Variants in EYS observed in about 807,000 individuals in gnomAD.
EYS encodes the protein protein eyes shut homolog.
EYS carries 250 observed loss-of-function variants against 282.1 expected under a neutral mutation model. The ratio of observed to expected loss-of-function variants is 0.89; its 90% confidence interval spans 0.80 to 0.98. EYS has a LOEUF of 0.98. Ranked by LOEUF, EYS falls within the 50% of genes least tolerant of loss-of-function variation. The pLI is 0.00. For missense variants in EYS, 4,016 were observed against 3,709.0 expected (o/e 1.08, Z -2.15); for synonymous variants, 1,355 against 1,282.9 (o/e 1.06, Z -1.20).
intron 2 of EYS, among the ~76,000 whole-genome samples, chr6:65,501,064 ACACT>A (rs1272469135): frequency 5.3e-5 from 8 of 152,020 alleles, no homozygotes; most frequent in African/African-American, 1.9e-4. Flanking sequence ...TTTAATCCAC[ACACT>A]CTATGAGTAG....
intron 5 of EYS, among the ~76,000 whole-genome samples, chr6:65,462,082 C>A (rs2150410275): frequency 6.6e-6 from 1 of 152,060 alleles, no homozygotes; most frequent in East Asian, 1.9e-4. Flanking sequence ...CTTATACTGG[C>A]CACTGCATAA....
At chr6:64,946,398 AC>A (rs1769290716) in intron 14 of EYS, among the ~76,000 whole-genome samples, 1 of 151,986 alleles carries the variant, frequency 6.6e-6, no homozygotes, top group African/African-American at 2.4e-5. Context: ...AAATCGTAAA[AC>A]TTTTCATGGT....
intron 12 of EYS, among the ~76,000 whole-genome samples, chr6:65,244,851 T>C (rs552438516): frequency 1.3e-5 from 2 of 152,188 alleles, no homozygotes; most frequent in East Asian, 3.9e-4. Context: ...GCATCTATCT[T>C]TCACCAAAGT....
rs559600797 is a variant in EYS at position 64,114,490 on chromosome 6, C to G, written c.6425-32488G>C. On this transcript the variant is annotated intron_variant, in intron 31 of 42. Transcript: ENST00000503581. Reference sequence around the variant, plus strand: ...AGAGCTCAGGAGTCTCATCAAGAACCTATAGCAGCACAATAGGGCAAAAAC... The same window carrying G: ...AGAGCTCAGGAGTCTCATCAAGAACGTATAGCAGCACAATAGGGCAAAAAC... Among the ~76,000 whole-genome samples, 109 of 152,202 alleles carry G rather than the reference C, an allele frequency of 7.2e-4. 1 individual carries two copies. Among genetic ancestry groups the G allele is most frequent in the African/African-American group, 2.6e-3 (108 of 41,532 alleles).
chr6:64,339,682 G>C (rs115006446), intron 29 of EYS, among the ~76,000 whole-genome samples: 1 of 151,658 alleles, frequency 6.6e-6, no homozygotes, highest in African/African-American at 2.4e-5. Flanking sequence ...TTGCACACGC[G>C]TGTTTACTGC....
intron 33 of EYS, among the ~76,000 whole-genome samples, chr6:64,024,422 C>G (rs571040645): frequency 1.3e-5 from 2 of 151,936 alleles, no homozygotes; most frequent in African/African-American, 4.8e-5. Context: ...GGATTGTAAA[C>G]GCACCAATCA....
chr6:63,733,865 A>G (rs1037121264), intron 41 of EYS, among the ~76,000 whole-genome samples: 2 of 152,152 alleles, frequency 1.3e-5, no homozygotes, highest in Admixed American at 6.6e-5. Flanking sequence ...CTTATAAGGC[A>G]GTAAGCAAAC....
chr6:64,075,589 A>T (rs1469186652), intron 32 of EYS, among the ~76,000 whole-genome samples: 1 of 151,908 alleles, frequency 6.6e-6, no homozygotes, highest in African/African-American at 2.4e-5. Context: ...CCCATTTTTG[A>T]TGCCACGATT....
intron 35 of EYS, among the ~76,000 whole-genome samples, chr6:63,967,069 G>A (rs1409232191): frequency 2.0e-5 from 3 of 152,156 alleles, no homozygotes; most frequent in African/African-American, 7.2e-5. Flanking sequence ...GCAACAATAT[G>A]CCAGCATCAC....
At chr6:64,311,762 C>A (rs965523849) in intron 29 of EYS, among the ~76,000 whole-genome samples, 1 of 152,106 alleles carries the variant, frequency 6.6e-6, no homozygotes, top group African/African-American at 2.4e-5. Flanking sequence ...CCGGGAAGCA[C>A]AAGTGGTCAG....
chr6:64,628,133 G>T (rs1015670284), intron 22 of EYS, among the ~76,000 whole-genome samples: 2 of 152,002 alleles, frequency 1.3e-5, no homozygotes, highest in Non-Finnish European at 2.9e-5. Flanking sequence ...TTAACTGTGT[G>T]TGGATTTATG....
chr6:64,327,009 T>A (rs1008961311), intron 29 of EYS, among the ~76,000 whole-genome samples: 4 of 152,024 alleles, frequency 2.6e-5, no homozygotes, highest in Admixed American at 2.6e-4. Flanking sequence ...CAGATGTGGA[T>A]GGGGCCCACG....
intron 22 of EYS, among the ~76,000 whole-genome samples, chr6:64,807,584 AC>A (rs1172471723): frequency 6.6e-6 from 1 of 152,130 alleles, no homozygotes; most frequent in Non-Finnish European, 1.5e-5. Context: ...TTGTCATGTA[AC>A]TTTTCTCTAC....
At chr6:64,480,157 A>C (rs1370451463) in intron 26 of EYS, among the ~76,000 whole-genome samples, 1 of 151,936 alleles carries the variant, frequency 6.6e-6, no homozygotes, top group Non-Finnish European at 1.5e-5. Flanking sequence ...TACCACTAGT[A>C]ACTCATGTAA....
chr6:64,640,360 A>G (rs1768090733), intron 22 of EYS, among the ~76,000 whole-genome samples: 1 of 152,166 alleles, frequency 6.6e-6, no homozygotes, highest in Admixed American at 6.5e-5. Context: ...AAAATGTGGC[A>G]CATATACACC....
chr6:64,916,717 C>A (rs1480293551), intron 15 of EYS, among the ~76,000 whole-genome samples: 4 of 152,050 alleles, frequency 2.6e-5, no homozygotes, highest in Non-Finnish European at 5.9e-5. Context: ...AAGCACATAC[C>A]GTGTGACTTT....
intron 41 of EYS, among the ~76,000 whole-genome samples, chr6:63,742,312 T>C (rs1769095990): frequency 6.6e-6 from 1 of 152,150 alleles, no homozygotes; most frequent in Non-Finnish European, 1.5e-5. Flanking sequence ...GCTTTGCTTT[T>C]AGGGAAAGCT....
chr6:65,610,885 G>C (rs1314393839), intron 2 of EYS, among the ~76,000 whole-genome samples: 1 of 151,950 alleles, frequency 6.6e-6, no homozygotes, highest in Non-Finnish European at 1.5e-5. Context: ...AGTAGTCATA[G>C]GACTCAATAA....
In EYS at chr6:64,853,252, C is replaced by T. The variant is rs193264490; in HGVS notation, c.2993-30430G>A. 6.4e-3 allele frequency among the ~76,000 whole-genome samples: 973 copies of T among 152,070 alleles called. 11 individuals carry two copies. The highest frequency in any genetic ancestry group is 0.022 in the African/African-American group (916 of 41,500). ...AAGAGAAGTATACTCTTGTAAAGTC[C>T]TTATCTTATGTGACATGGTATACTA... On this transcript the variant is annotated intron_variant, in intron 19 of 42. Transcript: ENST00000503581.
Sources: gnomAD v4.1 joint callset for allele counts (sites outside exome capture counted in the v4.1 genomes callset) on GRCh38, gnomAD v4.1.1 for gene constraint, MANE v1.5 for transcripts, NCBI Gene and HGNC (gene_info 2026-07-23, HGNC 2026-07-21) for gene names.